Variants in VWF observed in about 807,000 individuals in gnomAD.
VWF encodes von Willebrand factor.
In VWF, 176 loss-of-function variants were observed where a neutral mutation model predicts 308.6. The observed-to-expected ratio is 0.57, with a 90% CI of 0.50 to 0.65. The LOEUF (loss-of-function observed/expected upper bound fraction) is 0.65. Ranked by LOEUF, VWF falls within the 30% of genes least tolerant of loss-of-function variation. The pLI is 0.00. For missense variants in VWF, 3,146 were observed against 3,648.2 expected, an observed-to-expected ratio of 0.86 and a Z score of 3.55; for synonymous variants, 1,385 against 1,443.4, an observed-to-expected ratio of 0.96 and a Z score of 0.92.
In VWF at chr12:6,065,121, G is replaced by A; in HGVS notation, c.1293+16C>T. On this transcript the variant is annotated intron_variant, in intron 11 of 51. Coordinates refer to ENST00000261405, the MANE Select transcript of VWF (RefSeq NM_000552.5). ...TGGGCTACCACCCGACCAGCAGCCG[G>A]GCTGGCAAAGCTCACCTGGACAGTC... 6.2e-7 allele frequency: 1 copy of A among 1,614,104 alleles called. No individual in the cohort carries two copies. The highest frequency in any genetic ancestry group is 8.5e-7 in the Non-Finnish European group (1 of 1,180,026).
intron 16 of VWF, among the ~76,000 whole-genome samples, chr12:6,051,144 G>T (rs1944504879): frequency 6.6e-6 from 1 of 152,130 alleles, no homozygotes; most frequent in Non-Finnish European, 1.5e-5. Flanking sequence ...CAGCCACACA[G>T]CAGAGGAGTC....
intron 16 of VWF, among the ~76,000 whole-genome samples, chr12:6,051,032 A>G (rs1382820823): frequency 9.4e-6 from 1 of 106,826 alleles, no homozygotes; most frequent in Non-Finnish European, 2.1e-5. Flanking sequence ...TCAGGTTAAT[A>G]ATGGTACCTT....
chr12:6,038,293 C>T (rs1454869100), intron 18 of VWF, among the ~76,000 whole-genome samples: 1 of 152,216 alleles, frequency 6.6e-6, no homozygotes, highest in Non-Finnish European at 1.5e-5. Context: ...AGGTATCCCA[C>T]GGATGCCTTA....
At chr12:5,961,600 A>G (rs1943317150) in intron 47 of VWF, among the ~76,000 whole-genome samples, 1 of 151,974 alleles carries the variant, frequency 6.6e-6, no homozygotes, top group South Asian at 2.1e-4. Context: ...AAAAAAAAAA[A>G]AAAAACACTA....
chr12:5,983,856 T>C (rs1943641877), intron 40 of VWF, among the ~76,000 whole-genome samples: 1 of 149,282 alleles, frequency 6.7e-6, no homozygotes, highest in African/African-American at 2.5e-5. Context: ...ATAGCTTAGA[T>C]AGAGATAGGA....
chr12:6,037,728 C>A (rs984427019), intron 18 of VWF, among the ~76,000 whole-genome samples: 7 of 152,170 alleles, frequency 4.6e-5, no homozygotes, highest in Non-Finnish European at 1.0e-4. Flanking sequence ...GAGCTCCCTG[C>A]AGGGCGAGAA....
chr12:6,021,823 C>A (rs1944132356), intron 27 of VWF, 77 bp downstream of exon 27: 14 of 1,599,212 alleles, frequency 8.8e-6, no homozygotes, highest in Non-Finnish European at 1.2e-5. Context: ...ACTTTTTACC[C>A]AAAACCTAGT....
intron 2 of VWF, 58 bp downstream of exon 2, chr12:6,123,084 G>C (rs957091281): frequency 2.5e-6 from 4 of 1,603,556 alleles, no homozygotes; most frequent in African/African-American, 2.7e-5. Flanking sequence ...TCCCGGAAAG[G>C]TGTCACTCCA....
At chr12:6,061,515 G>C (rs1294473058) in intron 13 of VWF, among the ~76,000 whole-genome samples, 1 of 150,732 alleles carries the variant, frequency 6.6e-6, no homozygotes. Flanking sequence ...TCCCTCAGGA[G>C]CTCTAAGACA....
In VWF at chr12:6,020,900, A is replaced by T. The variant is rs1013092834; in HGVS notation, c.3674+1000T>A. On this transcript the variant is annotated intron_variant, in intron 27 of 51. Transcript: ENST00000261405. The surrounding 1 kb of genome is among the most constrained non-coding windows in gnomAD (Gnocchi z 4.3). ...CAAAGGAGGTGGGGAGAGGGCTCGA[A>T]GCTCTCATGCCCTTTTGGCACAGAA... Among the ~76,000 whole-genome samples the T allele has an allele frequency of 2.0e-5, 3 of 152,156 alleles. No homozygotes were observed. The highest frequency in any genetic ancestry group is 7.2e-5 in the African/African-American group (3 of 41,390).
In VWF at chr12:6,062,305, G is replaced by A. The variant is rs116970490; in HGVS notation, c.1533+649C>T. ...TGGGATCAGTCCTCTGATCAGAGGA[G>A]TCTATCCTAGCCCTGGAAGTTCTGG... On this transcript the variant is annotated intron_variant, in intron 13 of 51. Coordinates refer to ENST00000261405, the MANE Select transcript of VWF (RefSeq NM_000552.5). Among the ~76,000 whole-genome samples, 716 of 152,194 alleles carry A rather than the reference G, an allele frequency of 4.7e-3. 1 individual carries two copies. Among genetic ancestry groups the A allele is most frequent in the Non-Finnish European group, 7.4e-3 (502 of 68,006 alleles).
intron 44 of VWF, among the ~76,000 whole-genome samples, chr12:5,970,240 AG>A (rs965955830): frequency 6.6e-6 from 1 of 152,148 alleles, no homozygotes; most frequent in African/African-American, 2.4e-5. Context: ...GCTCATTAAG[AG>A]GACCCATTGC....
chr12:5,976,248 G>A lies in VWF; in HGVS notation c.7300C>T (p.Arg2434Ter), dbSNP rs62643640. Residue 2434 changes from arginine to a stop codon, truncating the protein, a stop_gained, in exon 43 of 52, where the codon CGA becomes TGA. Transcript: ENST00000261405. LOFTEE classifies it high-confidence loss of function. ...TCLPDKVCVH[R>*]STIYPVGQFW... ...TGGCCCACAGGGTAGATGGTGCTTC[G>A]GTGGACACACACCTGTAGACATAAG... The A allele has an allele frequency of 3.7e-6, 6 of 1,613,958 alleles. No homozygotes were observed. Among genetic ancestry groups the A allele is most frequent in the Non-Finnish European group, 4.2e-6 (5 of 1,180,020 alleles).
chr12:6,025,467 A>T, intron 24 of VWF, 113 bp downstream of exon 24: 2 of 865,670 alleles, frequency 2.3e-6, no homozygotes, highest in Non-Finnish European at 3.8e-6. Flanking sequence ...GTCTTGGTGC[A>T]GATCATGTCA....
chr12:6,112,539 G>A (rs1354658171), intron 3 of VWF, among the ~76,000 whole-genome samples: 1 of 152,166 alleles, frequency 6.6e-6, no homozygotes, highest in Non-Finnish European at 1.5e-5. Flanking sequence ...GGTCCTGAAG[G>A]AATGGGGCAT....
At chr12:6,072,745 A>C (rs975114746) in intron 8 of VWF, among the ~76,000 whole-genome samples, 1 of 152,170 alleles carries the variant, frequency 6.6e-6, no homozygotes, top group Admixed American at 6.5e-5. Context: ...CTTACACATT[A>C]ATGCAACGTG....
chr12:5,974,689 C>T (rs1336494114), intron 43 of VWF, among the ~76,000 whole-genome samples: 1 of 152,170 alleles, frequency 6.6e-6, no homozygotes, highest in African/African-American at 2.4e-5. Flanking sequence ...TGTGTGTAAA[C>T]AAAATGTGTG....
At position 6,057,002 on chromosome 12, in the gene VWF, G is replaced by T. The variant is rs1248758940; in HGVS notation, c.1800C>A (p.Ser600Arg). Residue 600 changes from serine (S) to arginine (R), a missense_variant, in exon 15 of 52, where the codon AGC becomes AGA. Coordinates refer to ENST00000261405, the MANE Select transcript of VWF (RefSeq NM_000552.5). ...GGCAGTTCCGCAGGTAGGGCAGCGG[G>T]CTGACGGCACGATGGCAGGCCTCGA... The part of the protein sequence containing the change: ...PTFEACHRAV[S>R]PLPYLRNCRY... 1 of 1,548,100 alleles carries T rather than the reference G, an allele frequency of 6.5e-7. No homozygotes were observed. Among genetic ancestry groups the T allele is most frequent in the Admixed American group, 1.9e-5 (1 of 52,022 alleles).
intron 43 of VWF, 118 bp from the exon 44 acceptor site, chr12:5,971,827 A>T (rs1943480334): frequency 2.3e-6 from 2 of 882,540 alleles, no homozygotes; most frequent in Non-Finnish European, 3.7e-6. Context: ...TGGTCTGGGC[A>T]TTTTCATCTT....
Sources: allele counts gnomAD v4.1 joint callset (sites outside exome capture counted in the v4.1 genomes callset), GRCh38; gene constraint gnomAD v4.1.1; non-coding constraint Gnocchi (gnomAD v3.1); transcripts MANE v1.5; gene names NCBI Gene and HGNC (gene_info 2026-07-23, HGNC 2026-07-21).